Variants in CDH22 observed in about 807,000 individuals in gnomAD.
CDH22 encodes the protein cadherin-22.
In CDH22, 30 loss-of-function variants were observed where a neutral mutation model predicts 58.4. The observed-to-expected ratio is 0.51, with a 90% CI of 0.38 to 0.70. The LOEUF is 0.70. CDH22 is among the 30% of genes least tolerant of loss of function. The pLI, the probability that CDH22 is intolerant of heterozygous loss-of-function variation, is 0.00. For missense variants in CDH22, 1,014 were observed against 1,233.9 expected, an observed-to-expected ratio of 0.82 and a Z score of 2.67; for synonymous variants, 513 against 558.2, an observed-to-expected ratio of 0.92 and a Z score of 1.14.
At chr20:46,263,187 A>C (rs2086442038) in intron 1 of CDH22, among the ~76,000 whole-genome samples, 1 of 152,200 alleles carries the variant, frequency 6.6e-6, no homozygotes, top group Non-Finnish European at 1.5e-5. Flanking sequence ...GTGTGAGTGA[A>C]TCCATGAAGG....
chr20:46,222,258 AT>A (rs2086131955), intron 4 of CDH22, among the ~76,000 whole-genome samples: 1 of 152,188 alleles, frequency 6.6e-6, no homozygotes, highest in Admixed American at 6.5e-5. Context: ...GGTCTTGTTC[AT>A]CCCGTGTCTA....
intron 10 of CDH22, among the ~76,000 whole-genome samples, chr20:46,181,606 T>TCCTTCCCTC (rs1474820165): frequency 1.3e-3 from 192 of 147,638 alleles, no homozygotes; most frequent in African/African-American, 4.7e-3. Context: ...TTCCCTTCCT[T>TCCTTCCCTC]CCTTCCCTCC....
At chr20:46,287,136 T>G (rs2086580175) in intron 1 of CDH22, among the ~76,000 whole-genome samples, 1 of 152,148 alleles carries the variant, frequency 6.6e-6, no homozygotes. Context: ...GTTTAGCTCT[T>G]TATCATCTGT....
At position 46,260,506 on chromosome 20, in the gene CDH22, C is replaced by T. The variant is rs187436604; in HGVS notation, c.-399-8813G>A. On this transcript the variant is annotated intron_variant, in intron 1 of 11. Coordinates refer to ENST00000537909, the MANE Select transcript of CDH22 (RefSeq NM_021248.3). ...CAAAGACCTCACCTACTCCTTCTTC[C>T]ATCCCTTTCCCCGTTCCCACACACA... Among the ~76,000 whole-genome samples, 160 of 152,326 alleles carry T rather than the reference C, an allele frequency of 1.1e-3. 1 individual carries two copies. The highest frequency in any genetic ancestry group is 9.5e-3 in the Admixed American group (146 of 15,306).
intron 3 of CDH22, among the ~76,000 whole-genome samples, chr20:46,236,987 C>T (rs1270593006): frequency 2.6e-5 from 4 of 152,206 alleles, no homozygotes; most frequent in Non-Finnish European, 5.9e-5. Flanking sequence ...GCCACCGCAC[C>T]TGGCCTATTT....
chr20:46,282,332 C>A (rs1412430887), intron 1 of CDH22, among the ~76,000 whole-genome samples: 1 of 152,074 alleles, frequency 6.6e-6, no homozygotes, highest in Non-Finnish European at 1.5e-5. Flanking sequence ...GGGGTCTCTA[C>A]ACACAGTGGG....
chr20:46,226,261 TCTTCTTCTTCTTCTTCTTCTTCTTC>T lies in CDH22; in HGVS notation c.670+1222_670+1246del, dbSNP rs1568665249. On this transcript the variant is annotated intron_variant, in intron 4 of 11. Transcript: ENST00000537909. ...TTCTTCTTCTTCTTCTTCTTCTTCT[TCTTCTTCTTCTTCTTCTTCTTCTTC>T]TTCTTCTTTTTTTTTTTGAGACAGG... is the stretch of plus-strand genomic sequence containing the variant. 7.2e-4 allele frequency among the ~76,000 whole-genome samples: 57 copies of T among 78,700 alleles called. 5 individuals are homozygous for T. The highest frequency in any genetic ancestry group is 1.4e-3 in the African/African-American group (43 of 29,670). 51.6% of individuals were successfully genotyped at this position (78,700 alleles called of 152,430 possible). A position where few individuals can be genotyped will look rare whatever the true frequency, so the allele number is the denominator to read the frequency against.
intron 8 of CDH22, among the ~76,000 whole-genome samples, chr20:46,192,818 A>G (rs1383596200): frequency 6.6e-6 from 1 of 152,012 alleles, no homozygotes; most frequent in East Asian, 1.9e-4. Flanking sequence ...CAGGCAGGAC[A>G]GTGAGGCGCA....
intron 1 of CDH22, among the ~76,000 whole-genome samples, chr20:46,271,221 A>G (rs1324429690): frequency 6.6e-6 from 1 of 152,116 alleles, no homozygotes; most frequent in African/African-American, 2.4e-5. Context: ...TTATTATCCC[A>G]TTTTATAGAT....
intron 2 of CDH22, among the ~76,000 whole-genome samples, chr20:46,249,264 T>C (rs150922508): frequency 1.3e-5 from 2 of 152,332 alleles, no homozygotes; most frequent in Non-Finnish European, 2.9e-5. Flanking sequence ...ACCTATCATA[T>C]AGCAGGCTTG....
intron 3 of CDH22, 28 bp downstream of exon 3, chr20:46,240,935 T>C (rs1411437088): frequency 6.3e-7 from 1 of 1,593,392 alleles, no homozygotes. Context: ...CTTGATCCCA[T>C]CCCCCACCCC....
intron 10 of CDH22, among the ~76,000 whole-genome samples, chr20:46,181,716 T>TTCCTCCC (rs1555800194): frequency 2.3e-5 from 1 of 44,324 alleles, no homozygotes; most frequent in Non-Finnish European, 4.4e-5. Flanking sequence ...TCTTTCTTTT[T>TTCCTCCC]TTCCTTCCTT....
chr20:46,292,916 TTGTG>T (rs74176860), intron 1 of CDH22, among the ~76,000 whole-genome samples: 435 of 143,904 alleles, frequency 3.0e-3, no homozygotes, highest in African/African-American at 4.8e-3. Context: ...CAGCCACTGG[TTGTG>T]TGTGTGTGTG....
Position 46,186,888 on chromosome 20 carries a change from TGTC to T in CDH22, c.1480_1482del (p.Asp494del). The stretch of plus-strand genomic sequence containing the variant: ...TAGGGTGTGGCCAGTTCTGGGGGAT[TGTC>T]GTTCACATCCAGGATTCGGATCCTT... On this transcript the variant is annotated inframe_deletion, in exon 9 of 12. Transcript: ENST00000537909. 1 of 1,612,172 alleles carries T rather than the reference TGTC, an allele frequency of 6.2e-7. No individual in the cohort carries two copies. Among genetic ancestry groups the T allele is most frequent in the Non-Finnish European group, 8.5e-7 (1 of 1,179,046 alleles).
intron 1 of CDH22, among the ~76,000 whole-genome samples, chr20:46,272,363 C>T (rs1021976409): frequency 2.6e-5 from 4 of 152,178 alleles, no homozygotes; most frequent in Non-Finnish European, 4.4e-5. Context: ...GTGTCACAGA[C>T]AGTGGATGAA....
rs2085718236 is a variant in CDH22 at position 46,174,353 on chromosome 20, G to A, written c.*153C>T. The A allele has an allele frequency of 3.6e-6, 2 of 559,922 alleles. No homozygotes were observed. Among genetic ancestry groups the A allele is most frequent in the South Asian group, 2.3e-5 (1 of 42,648 alleles). 34.7% of individuals were successfully genotyped at this position (559,922 alleles called of 1,614,324 possible). On this transcript the variant is annotated 3_prime_UTR_variant, in exon 12 of 12. Coordinates refer to ENST00000537909, the MANE Select transcript of CDH22 (RefSeq NM_021248.3). This position sits in a 1 kb window ranked among gnomAD's most constrained non-coding sequence, Gnocchi z 4.4. ...CACCCCTAGAGGAGGAGGAATGGAAGAGTCCGCTCCTAGCAAGTCCCCCCT... is the reference window on the plus strand; with the variant it reads ...CACCCCTAGAGGAGGAGGAATGGAAAAGTCCGCTCCTAGCAAGTCCCCCCT...
At chr20:46,269,425 A>G (rs542503397) in intron 1 of CDH22, among the ~76,000 whole-genome samples, 44 of 152,374 alleles carry the variant, frequency 2.9e-4, no homozygotes, top group Non-Finnish European at 5.4e-4. Flanking sequence ...AGTACTGAGC[A>G]TAGCTAACTT....
chr20:46,260,547 A>G (rs2086428288), intron 1 of CDH22, among the ~76,000 whole-genome samples: 1 of 152,166 alleles, frequency 6.6e-6, no homozygotes, highest in African/African-American at 2.4e-5. Flanking sequence ...GGCAGAGCTA[A>G]GTACAGAACT....
At position 46,241,354 on chromosome 20, in the gene CDH22, C is replaced by T; in HGVS notation, c.256-97G>A. 10 of 1,037,800 alleles carry T rather than the reference C, an allele frequency of 9.6e-6. No individual in the cohort carries two copies. Among genetic ancestry groups the T allele is most frequent in the Non-Finnish European group, 1.2e-5 (9 of 723,806 alleles). 64.3% of individuals were successfully genotyped at this position (1,037,800 alleles called of 1,614,324 possible). ...ATTGGCTGCCTATTCCTAAGCCCATCTCTTCTCCAGCACATACACATCTTT... is the reference window on the plus strand; with the variant it reads ...ATTGGCTGCCTATTCCTAAGCCCATTTCTTCTCCAGCACATACACATCTTT... On this transcript the variant is annotated intron_variant, in intron 2 of 11. Coordinates refer to ENST00000537909, the MANE Select transcript of CDH22 (RefSeq NM_021248.3). The surrounding 1 kb of genome is among the most constrained non-coding windows in gnomAD (Gnocchi z 5.2).
Sources: gnomAD v4.1 joint callset for allele counts (sites outside exome capture counted in the v4.1 genomes callset) on GRCh38, gnomAD v4.1.1 for gene constraint, Gnocchi (gnomAD v3.1) non-coding constraint, MANE v1.5 for transcripts, NCBI Gene and HGNC (gene_info 2026-07-23, HGNC 2026-07-21) for gene names.